Variants in HRH4 observed in about 807,000 individuals in gnomAD.
HRH4 encodes histamine H4 receptor.
HRH4 carries 12 observed loss-of-function variants against 10.4 expected under a neutral mutation model. The ratio of observed to expected loss-of-function variants is 1.15; its 90% confidence interval spans 0.74 to 1.87. The LOEUF (loss-of-function observed/expected upper bound fraction) is 1.87. HRH4 is among the 40% of genes most tolerant of loss of function. HRH4 has a pLI of 0.00. For synonymous variants in HRH4, 154 were observed against 166.6 expected (o/e 0.92, Z 0.58); for missense variants, 415 against 453.3 (o/e 0.92, Z 0.77).
At chr18:24,464,669 G>A (rs1270300319) in intron 1 of HRH4, among the ~76,000 whole-genome samples, 3 of 152,014 alleles carry the variant, frequency 2.0e-5, no homozygotes, top group Admixed American at 2.0e-4. Flanking sequence ...CCAGATGGGT[G>A]GCAATTTTAA....
intron 1 of HRH4, among the ~76,000 whole-genome samples, chr18:24,461,422 A>G: frequency 6.6e-6 from 1 of 152,192 alleles, no homozygotes; most frequent in East Asian, 1.9e-4. Context: ...AAATATACCC[A>G]ACTGTAAACT....
intron 2 of HRH4, 62 bp from the exon 3 acceptor site, chr18:24,476,685 G>A: frequency 8.1e-7 from 1 of 1,232,138 alleles, no homozygotes. Context: ...AAGGATCTAT[G>A]AGATACTTTA....
intron 2 of HRH4, among the ~76,000 whole-genome samples, chr18:24,474,477 C>T (rs1000473676): frequency 2.0e-5 from 3 of 152,154 alleles, no homozygotes; most frequent in Admixed American, 6.5e-5. Context: ...CTGTAGGATC[C>T]ATCAAAGAAA....
chr18:24,476,283 G>A (rs576912578), intron 2 of HRH4, among the ~76,000 whole-genome samples: 2 of 152,226 alleles, frequency 1.3e-5, no homozygotes, highest in East Asian at 3.9e-4. Context: ...AAGACATATT[G>A]CTTTATTTGA....
At chr18:24,475,711 T>C (rs923754940) in intron 2 of HRH4, among the ~76,000 whole-genome samples, 3 of 152,204 alleles carry the variant, frequency 2.0e-5, no homozygotes, top group African/African-American at 7.2e-5. Flanking sequence ...GCAGCAGGTT[T>C]AAAAATCCTT....
intron 1 of HRH4, among the ~76,000 whole-genome samples, chr18:24,468,583 T>C (rs16940765): frequency 0.1 from 15,962 of 152,274 alleles, 993 homozygotes; most frequent in African/African-American, 0.18. Context: ...GCAATGTTCA[T>C]GACCCCTCTT....
Position 24,477,337 on chromosome 18 carries a change from G to C in HRH4, c.948G>C (p.Trp316Cys). 1 of 1,614,010 alleles carries C rather than the reference G, an allele frequency of 6.2e-7. No individual in the cohort carries two copies. The highest frequency in any genetic ancestry group is 2.2e-5 in the East Asian group (1 of 44,870). The change falls in exon 3 of 3, where the codon TGG (tryptophan) becomes TGC (cysteine). Residue 316 changes from tryptophan to cysteine, a missense_variant. Coordinates refer to ENST00000256906, the MANE Select transcript of HRH4 (RefSeq NM_021624.4). ...TCTTAGGGGTTTTTGCTGTTTGCTG[G>C]GCTCCATATTCTCTGTTCACAATTG... ...AILLGVFAVC[W>C]APYSLFTIVL...
At chr18:24,470,258 C>T (rs879843564) in intron 2 of HRH4, among the ~76,000 whole-genome samples, 14 of 152,154 alleles carry the variant, frequency 9.2e-5, no homozygotes, top group Admixed American at 9.2e-4. Context: ...CAGGAACTCA[C>T]CCAGGAACCC....
intron 2 of HRH4, among the ~76,000 whole-genome samples, chr18:24,473,696 G>T (rs1439946796): frequency 6.6e-6 from 1 of 152,176 alleles, no homozygotes; most frequent in African/African-American, 2.4e-5. Flanking sequence ...CACAGGTACT[G>T]AGGGGTTTAG....
intron 1 of HRH4, among the ~76,000 whole-genome samples, chr18:24,466,425 T>C (rs928579430): frequency 6.6e-6 from 1 of 151,788 alleles, no homozygotes; most frequent in African/African-American, 2.4e-5. Context: ...TCTCAGCCAG[T>C]GACCTATTTT....
chr18:24,469,861 C>T (rs1185489335), intron 2 of HRH4, among the ~76,000 whole-genome samples: 3 of 152,074 alleles, frequency 2.0e-5, no homozygotes, highest in East Asian at 1.9e-4. Flanking sequence ...TTTTGTCACC[C>T]GGGGAATGAG....
chr18:24,464,460 G>C (rs1046235671), intron 1 of HRH4, among the ~76,000 whole-genome samples: 1 of 152,118 alleles, frequency 6.6e-6, no homozygotes, highest in Non-Finnish European at 1.5e-5. Context: ...CACATGGGGG[G>C]TTAGAGCTCC....
chr18:24,466,541 A>G (rs762291188), intron 1 of HRH4, among the ~76,000 whole-genome samples: 2 of 152,102 alleles, frequency 1.3e-5, no homozygotes, highest in Non-Finnish European at 2.9e-5. Context: ...GGTTATTTAA[A>G]CTACATATAA....
chr18:24,474,308 T>C (rs1910069670), intron 2 of HRH4, among the ~76,000 whole-genome samples: 1 of 151,338 alleles, frequency 6.6e-6, no homozygotes. Context: ...GTCAGCACCA[T>C]ATGCATTTTA....
chr18:24,476,660 A>T, intron 2 of HRH4, 87 bp from the exon 3 acceptor site: 1 of 1,015,614 alleles, frequency 9.8e-7, no homozygotes, highest in Admixed American at 2.2e-5. Context: ...TCCTTTGCAC[A>T]TCCCTGAAAT....
At position 24,477,365 on chromosome 18, in the gene HRH4, C is replaced by G; in HGVS notation, c.976C>G (p.Leu326Val). 6.2e-7 allele frequency: 1 copy of G among 1,613,884 alleles called. No homozygotes were observed. Among genetic ancestry groups the G allele is most frequent in the South Asian group, 1.1e-5 (1 of 91,058 alleles). The change falls in exon 3 of 3, where the codon CTT (leucine) becomes GTT (valine). Residue 326 changes from leucine (L) to valine (V), a missense_variant. By Grantham distance (32) the Leu-to-Val change is conservative. Transcript: ENST00000256906. Reference protein sequence around the residue: ...WAPYSLFTIVLSFYSSATGPK... With the variant: ...WAPYSLFTIVVSFYSSATGPK... The stretch of plus-strand genomic sequence containing the variant: ...TCCATATTCTCTGTTCACAATTGTC[C>G]TTTCATTTTATTCCTCAGCAACAGG...
chr18:24,476,694 T>C, intron 2 of HRH4, 53 bp from the exon 3 acceptor site: 2 of 1,309,966 alleles, frequency 1.5e-6, no homozygotes, highest in African/African-American at 1.5e-5. Context: ...TGAGATACTT[T>C]ATGCATTCAA....
In HRH4 at chr18:24,477,218, G is replaced by C; in HGVS notation, c.829G>C (p.Gly277Arg). The part of the protein sequence containing the change: ...MNSNTIASKM[G>R]SFSQSDSVAL... ...TAGCAATACAATTGCTTCCAAAATG[G>C]GTTCCTTCTCCCAATCAGATTCTGT... The change falls in exon 3 of 3, where the codon GGT (glycine) becomes CGT (arginine). Residue 277 changes from glycine (G) to arginine (R), a missense_variant. By Grantham distance (125) the Gly-to-Arg change is moderately radical (BLOSUM62 -2). Coordinates refer to ENST00000256906, the MANE Select transcript of HRH4 (RefSeq NM_021624.4). The C allele has an allele frequency of 6.2e-7, 1 of 1,614,138 alleles. No homozygotes were observed. Among genetic ancestry groups the C allele is most frequent in the Non-Finnish European group, 8.5e-7 (1 of 1,180,008 alleles).
intron 2 of HRH4, among the ~76,000 whole-genome samples, chr18:24,473,038 C>T (rs1014009520): frequency 6.6e-6 from 1 of 152,020 alleles, no homozygotes; most frequent in Non-Finnish European, 1.5e-5. Flanking sequence ...GCCTGTAATC[C>T]CAGCTACTCG....
Sources: allele counts gnomAD v4.1 joint callset (sites outside exome capture counted in the v4.1 genomes callset), GRCh38; gene constraint gnomAD v4.1.1; transcripts MANE v1.5; gene names NCBI Gene and HGNC (gene_info 2026-07-23, HGNC 2026-07-21).